Variants in TMEM131L observed in about 807,000 individuals in gnomAD.
The protein encoded by TMEM131L is transmembrane protein 131-like.
TMEM131L carries 54 observed loss-of-function variants against 192.2 expected under a neutral mutation model. The ratio of observed to expected loss-of-function variants is 0.28; its 90% CI spans 0.23 to 0.35. The LOEUF is 0.35. TMEM131L is among the 10% of genes least tolerant of loss of function. The probability of loss-of-function intolerance (pLI) is 1.00; values close to 1 mark genes in which losing one functional copy is unlikely to be tolerated. For missense variants in TMEM131L, 1,888 were observed against 1,972.9 expected (o/e 0.96, Z 0.82); for synonymous variants, 701 against 704.9 (o/e 0.99, Z 0.09).
chr4:153,574,087 T>G (rs899399736), intron 7 of TMEM131L, among the ~76,000 whole-genome samples: 1 of 151,734 alleles, frequency 6.6e-6, no homozygotes, highest in African/African-American at 2.4e-5. Context: ...CAGGCTTTTA[T>G]GGCTGGGGTT....
At chr4:153,540,645 G>T in intron 3 of TMEM131L, among the ~76,000 whole-genome samples, 1 of 152,228 alleles carries the variant, frequency 6.6e-6, no homozygotes, top group Non-Finnish European at 1.5e-5. Context: ...GTGGGATTTG[G>T]CATGTCTGCC....
At chr4:153,484,714 C>T (rs1302467130) in intron 3 of TMEM131L, among the ~76,000 whole-genome samples, 19 of 149,200 alleles carry the variant, frequency 1.3e-4, no homozygotes, top group Non-Finnish European at 2.1e-4. Flanking sequence ...GTGATCCGCC[C>T]GCCTCGGCCT....
At chr4:153,597,473 G>A (rs7656141) in intron 20 of TMEM131L, among the ~76,000 whole-genome samples, 1 of 151,764 alleles carries the variant, frequency 6.6e-6, no homozygotes, top group African/African-American at 2.4e-5. Context: ...TATTGCCCCA[G>A]CACTTAAAGG....
At chr4:153,501,841 C>T (rs1461450342) in intron 3 of TMEM131L, among the ~76,000 whole-genome samples, 6 of 152,018 alleles carry the variant, frequency 3.9e-5, no homozygotes, top group East Asian at 3.9e-4. Context: ...CTGCCCAACC[C>T]GCAGGATCAT....
At chr4:153,600,901 A>G (rs1190238710) in intron 21 of TMEM131L, among the ~76,000 whole-genome samples, 3 of 152,216 alleles carry the variant, frequency 2.0e-5, no homozygotes, top group South Asian at 4.1e-4. Flanking sequence ...ACTTGTGACC[A>G]GAAGTTTGAG....
intron 26 of TMEM131L, among the ~76,000 whole-genome samples, chr4:153,619,259 C>T (rs1332807585): frequency 6.6e-6 from 1 of 152,142 alleles, no homozygotes; most frequent in Non-Finnish European, 1.5e-5. Context: ...CTTGCTGTGT[C>T]GACAAGCCTT....
At chr4:153,534,732 C>A (rs184006808) in intron 3 of TMEM131L, among the ~76,000 whole-genome samples, 1 of 152,310 alleles carries the variant, frequency 6.6e-6, no homozygotes, top group East Asian at 1.9e-4. Context: ...GGCGCCTGGC[C>A]AGGAGTTGGA....
At chr4:153,491,818 C>T (rs967640848) in intron 3 of TMEM131L, among the ~76,000 whole-genome samples, 15 of 151,996 alleles carry the variant, frequency 9.9e-5, no homozygotes, top group Admixed American at 1.3e-4. Flanking sequence ...GCCATCCTTC[C>T]ACCTCACCCT....
chr4:153,478,126 CTT>C (rs1731681591), intron 3 of TMEM131L, among the ~76,000 whole-genome samples: 1 of 152,160 alleles, frequency 6.6e-6, no homozygotes, highest in African/African-American at 2.4e-5. Flanking sequence ...TTGCAAACCT[CTT>C]TGTTTCTTTT....
intron 3 of TMEM131L, among the ~76,000 whole-genome samples, chr4:153,477,746 T>C (rs1487885589): frequency 6.6e-6 from 1 of 152,308 alleles, no homozygotes; most frequent in South Asian, 2.1e-4. Flanking sequence ...TTGCCTGCAA[T>C]GTATTCTATT....
intron 7 of TMEM131L, among the ~76,000 whole-genome samples, chr4:153,579,853 G>C (rs986419277): frequency 2.0e-5 from 3 of 152,008 alleles, no homozygotes; most frequent in African/African-American, 4.8e-5. Context: ...TAATGTACTT[G>C]GGTAAGTTTT....
chr4:153,526,691 C>T (rs1215678297), intron 3 of TMEM131L, among the ~76,000 whole-genome samples: 1 of 151,294 alleles, frequency 6.6e-6, no homozygotes, highest in Non-Finnish European at 1.5e-5. Flanking sequence ...TGAGCGAGAT[C>T]ACGCCACTGC....
chr4:153,624,638 G>A (rs1443504361), intron 29 of TMEM131L, among the ~76,000 whole-genome samples: 1 of 152,238 alleles, frequency 6.6e-6, no homozygotes, highest in Non-Finnish European at 1.5e-5. Context: ...TGTTCTCACT[G>A]TCATCTGAAG....
intron 3 of TMEM131L, among the ~76,000 whole-genome samples, chr4:153,489,108 GAC>G (rs1732581134): frequency 6.6e-6 from 1 of 152,194 alleles, no homozygotes; most frequent in Non-Finnish European, 1.5e-5. Context: ...GGTTGGTGGA[GAC>G]ACAGTTTAAC....
At chr4:153,553,517 T>A (rs997788099) in intron 4 of TMEM131L, among the ~76,000 whole-genome samples, 1 of 151,958 alleles carries the variant, frequency 6.6e-6, no homozygotes, top group African/African-American at 2.4e-5. Context: ...TTAAGATTAG[T>A]TGAGTTTTAC....
chr4:153,489,920 GGT>G (rs1487027004), intron 3 of TMEM131L, among the ~76,000 whole-genome samples: 9 of 151,984 alleles, frequency 5.9e-5, no homozygotes, highest in African/African-American at 1.9e-4. Flanking sequence ...TGTGTGCTGT[GGT>G]GTGTCTCTGT....
At chr4:153,519,573 G>A (rs1374495311) in intron 3 of TMEM131L, among the ~76,000 whole-genome samples, 1 of 152,154 alleles carries the variant, frequency 6.6e-6, no homozygotes, top group East Asian at 1.9e-4. Flanking sequence ...TGTGGAGAAT[G>A]ACCAAGCAAT....
rs768568142 is a variant in TMEM131L, at chr4:153,580,932, C to G, written c.738+29C>G. On this transcript the variant is annotated intron_variant, in intron 8 of 34. Coordinates refer to ENST00000409959, the MANE Select transcript of TMEM131L (RefSeq NM_001131007.2). Reference sequence around the variant, plus strand: ...AAATAAAATGTGTAGTGTTTTCTCTCTGCTTTCCTCCTGCCTCTTTGCTTA... The same window carrying G: ...AAATAAAATGTGTAGTGTTTTCTCTGTGCTTTCCTCCTGCCTCTTTGCTTA... 4 of 1,427,198 alleles carry G rather than the reference C, an allele frequency of 2.8e-6. No individual in the cohort carries two copies. The Admixed American group carries it at 6.7e-5, about 24-fold the overall frequency. 88.4% of individuals were successfully genotyped at this position (1,427,198 alleles called of 1,614,324 possible).
At chr4:153,598,514 G>GC in intron 20 of TMEM131L, 76 bp from the exon 21 acceptor site, 1 of 1,205,228 alleles carries the variant, frequency 8.3e-7, no homozygotes, top group Non-Finnish European at 1.2e-6. Flanking sequence ...TGATAACTGG[G>GC]AATATTTAAA....
Sources: allele counts gnomAD v4.1 joint callset (sites outside exome capture counted in the v4.1 genomes callset), GRCh38; gene constraint gnomAD v4.1.1; transcripts MANE v1.5; gene names NCBI Gene and HGNC (gene_info 2026-07-23, HGNC 2026-07-21).